The following PRELID2 variants were observed in gnomAD, a reference collection of about 807,000 sequenced individuals.
PRELID2 encodes PRELI domain-containing protein 2.
Under a neutral mutation model 28.4 loss-of-function variants are expected in PRELID2, and 25 were observed. That is an observed-to-expected ratio of 0.88 (90% CI 0.64 to 1.23). The LOEUF (loss-of-function observed/expected upper bound fraction) is 1.23. Among genes scored for constraint, PRELID2 ranks in the 50% most tolerant of loss-of-function variants. The probability of loss-of-function intolerance (pLI) is 0.00; values close to 1 mark genes in which losing one functional copy is unlikely to be tolerated. For missense variants in PRELID2, 201 were observed against 214.4 expected, an observed-to-expected ratio of 0.94 and a Z score of 0.39; for synonymous variants, 76 against 71.6, an observed-to-expected ratio of 1.06 and a Z score of -0.31.
At chr5:145,726,216 GA>G (rs1181253787) in intron 1 of PRELID2, among the ~76,000 whole-genome samples, 13 of 100,344 alleles carry the variant, frequency 1.3e-4, no homozygotes, top group Non-Finnish European at 1.9e-4. Flanking sequence ...AAAGAGAGAA[GA>G]AAGGAAGGAA....
the PRELID2 span, among the ~76,000 whole-genome samples, chr5:145,322,839 A>T: frequency 1.3e-5 from 2 of 151,936 alleles, no homozygotes; most frequent in Non-Finnish European, 2.9e-5. Context: ...TGAGGTCAAG[A>T]AAGTAGAAAG....
chr5:145,276,687 C>T, the PRELID2 span, among the ~76,000 whole-genome samples: 1 of 152,140 alleles, frequency 6.6e-6, no homozygotes, highest in East Asian at 1.9e-4. Context: ...AGCTGTGATG[C>T]TGTCATGAAT....
At chr5:145,740,869 G>A (rs142177496) in intron 1 of PRELID2, among the ~76,000 whole-genome samples, 3 of 32,130 alleles carry the variant, frequency 9.3e-5, no homozygotes, top group South Asian at 2.6e-3. Flanking sequence ...TATATTTATC[G>A]ATAAATATAT....
intron 1 of PRELID2, among the ~76,000 whole-genome samples, chr5:145,637,791 A>G (rs531769879): frequency 6.6e-6 from 1 of 151,534 alleles, no homozygotes; most frequent in East Asian, 1.9e-4. Flanking sequence ...TGTCACAGTG[A>G]TACAAACACA....
At chr5:145,455,519 A>G in the PRELID2 span, among the ~76,000 whole-genome samples, 2 of 152,194 alleles carry the variant, frequency 1.3e-5, no homozygotes, top group Non-Finnish European at 2.9e-5. Flanking sequence ...CATTGAATCT[A>G]TAAATTACTT....
At chr5:145,381,643 T>C in the PRELID2 span, 2 of 152,430 alleles carry the variant, frequency 1.3e-5, no homozygotes, top group Admixed American at 1.3e-4. Context: ...ATTTGAAACG[T>C]CAGAGTCTTC....
the PRELID2 span, among the ~76,000 whole-genome samples, chr5:145,336,525 T>C: frequency 0.22 from 33,704 of 151,784 alleles, 4,054 homozygotes; most frequent in South Asian, 0.34. Flanking sequence ...ATTTATAAAA[T>C]AGGGAATCCT....
At chr5:145,243,020 T>A in the PRELID2 span, among the ~76,000 whole-genome samples, 2 of 152,114 alleles carry the variant, frequency 1.3e-5, no homozygotes, top group Non-Finnish European at 2.9e-5. Context: ...CTAAGAGACC[T>A]TTTTATAAAA....
At chr5:145,439,869 A>G in the PRELID2 span, among the ~76,000 whole-genome samples, 1 of 152,064 alleles carries the variant, frequency 6.6e-6, no homozygotes, top group Non-Finnish European at 1.5e-5. Flanking sequence ...TGATTCTGTT[A>G]CTTCTCTGTT....
intron 1 of PRELID2, among the ~76,000 whole-genome samples, chr5:145,746,714 A>G (rs1757000443): frequency 6.6e-6 from 1 of 152,206 alleles, no homozygotes. Context: ...CTCCACCCCA[A>G]ATCAACAGAA....
intron 1 of PRELID2, among the ~76,000 whole-genome samples, chr5:145,536,130 C>T (rs1400216514): frequency 6.6e-6 from 1 of 151,880 alleles, no homozygotes; most frequent in African/African-American, 2.4e-5. Flanking sequence ...GTAAAAAAGA[C>T]CTGTGGTTCT....
chr5:145,641,301 A>G (rs944485539), intron 1 of PRELID2, among the ~76,000 whole-genome samples: 3 of 152,208 alleles, frequency 2.0e-5, no homozygotes, highest in Non-Finnish European at 4.4e-5. Context: ...ATCAGAAAAA[A>G]AAAGAGAGAA....
At chr5:145,502,059 T>C (rs1290455152) in intron 1 of PRELID2, among the ~76,000 whole-genome samples, 2 of 152,116 alleles carry the variant, frequency 1.3e-5, no homozygotes, top group Non-Finnish European at 1.5e-5. Flanking sequence ...CACACTGCTA[T>C]AAAAAACTAC....
intron 1 of PRELID2, among the ~76,000 whole-genome samples, chr5:145,601,119 A>G (rs1580994841): frequency 6.6e-6 from 1 of 152,308 alleles, no homozygotes; most frequent in South Asian, 2.1e-4. Context: ...TTGTGTCACT[A>G]TACTCCGGCT....
intron 1 of PRELID2, among the ~76,000 whole-genome samples, chr5:145,696,156 C>CTTTTTTTTTTTTTTTTT (rs10591669): frequency 8.3e-5 from 5 of 60,018 alleles, no homozygotes; most frequent in Admixed American, 1.9e-4. Flanking sequence ...TAAATAATAG[C>CTTTTTTTTTTTTTTTTT]TTTTTTTTTT....
intron 4 of PRELID2, among the ~76,000 whole-genome samples, chr5:145,799,892 G>A (rs1278202329): frequency 1.3e-5 from 2 of 152,104 alleles, no homozygotes; most frequent in Non-Finnish European, 2.9e-5. Flanking sequence ...AATGCTTTTA[G>A]GCAATCTCCT....
chr5:145,422,123 T>C, the PRELID2 span, among the ~76,000 whole-genome samples: 1 of 142,878 alleles, frequency 7.0e-6, no homozygotes, highest in East Asian at 2.0e-4. Flanking sequence ...TCTGTTCTTT[T>C]ACATTTGCTG....
At chr5:145,594,772 C>T (rs553742411) in intron 1 of PRELID2, among the ~76,000 whole-genome samples, 200 of 152,190 alleles carry the variant, frequency 1.3e-3, no homozygotes, top group African/African-American at 4.5e-3. Context: ...TTTTGCTTAT[C>T]GTATTTTCTA....
At chr5:145,540,985 T>TG (rs1417049987) in intron 1 of PRELID2, among the ~76,000 whole-genome samples, 5 of 152,116 alleles carry the variant, frequency 3.3e-5, no homozygotes, top group Admixed American at 3.3e-4. Flanking sequence ...AAACAATACT[T>TG]GGGACAGGCT....
Sources: gnomAD v4.1 joint callset for allele counts (sites outside exome capture counted in the v4.1 genomes callset) on GRCh38, gnomAD v4.1.1 for gene constraint, MANE v1.5 for transcripts, NCBI Gene and HGNC (gene_info 2026-07-23, HGNC 2026-07-21) for gene names.